INPP4B: variants seen among roughly 807,000 people sequenced by gnomAD.
INPP4B encodes inositol polyphosphate 4-phosphatase type II.
INPP4B carries 55 observed loss-of-function variants against 122.5 expected under a neutral mutation model. The ratio of observed to expected loss-of-function variants is 0.45; its 90% CI spans 0.36 to 0.56. INPP4B has a LOEUF of 0.56. INPP4B is among the 20% of genes least tolerant of loss of function. The pLI is 0.00. For synonymous variants in INPP4B, 403 were observed against 388.7 expected, an observed-to-expected ratio of 1.04 and a Z score of -0.43; for missense variants, 1,000 against 1,097.7, an observed-to-expected ratio of 0.91 and a Z score of 1.26.
At chr4:142,412,291 T>C (rs1804766130) in intron 5 of INPP4B, among the ~76,000 whole-genome samples, 1 of 152,186 alleles carries the variant, frequency 6.6e-6, no homozygotes, top group African/African-American at 2.4e-5. Flanking sequence ...CCCCTCTAAT[T>C]ACTTTATTAG....
At chr4:142,137,979 G>A (rs903436487) in intron 18 of INPP4B, among the ~76,000 whole-genome samples, 33 of 152,102 alleles carry the variant, frequency 2.2e-4, no homozygotes, top group Non-Finnish European at 4.0e-4. Context: ...TCAGAGTGGC[G>A]ATTCCTCAGG....
At chr4:142,722,099 TTA>T (rs939433551) in intron 2 of INPP4B, among the ~76,000 whole-genome samples, 10 of 151,888 alleles carry the variant, frequency 6.6e-5, no homozygotes, top group Middle Eastern at 3.4e-3. Flanking sequence ...TGATATCAAA[TTA>T]TATATATATA....
chr4:142,818,888 A>G (rs1195695347), intron 1 of INPP4B, among the ~76,000 whole-genome samples: 1 of 152,144 alleles, frequency 6.6e-6, no homozygotes, highest in Non-Finnish European at 1.5e-5. Flanking sequence ...TCTTCCACTG[A>G]TATCATATTG....
At chr4:142,333,874 C>T (rs1775605702) in intron 7 of INPP4B, among the ~76,000 whole-genome samples, 1 of 152,004 alleles carries the variant, frequency 6.6e-6, no homozygotes, top group Admixed American at 6.5e-5. Context: ...TTTGTGTGTG[C>T]GATGAGAGCA....
intron 1 of INPP4B, among the ~76,000 whole-genome samples, chr4:142,774,118 T>C (rs568133006): frequency 6.6e-6 from 1 of 152,210 alleles, no homozygotes; most frequent in East Asian, 1.9e-4. Flanking sequence ...TTCCAAACAG[T>C]GCTCAACAAT....
intron 1 of INPP4B, among the ~76,000 whole-genome samples, chr4:142,784,208 C>G (rs1282004741): frequency 2.0e-5 from 3 of 151,556 alleles, no homozygotes; most frequent in Non-Finnish European, 4.4e-5. Context: ...ACTAACAGTT[C>G]AAAAATTAGC....
At chr4:142,752,314 A>G (rs1014360180) in intron 1 of INPP4B, among the ~76,000 whole-genome samples, 4 of 152,136 alleles carry the variant, frequency 2.6e-5, no homozygotes. Context: ...ATTCTGATCC[A>G]GGAGGAAGCT....
chr4:142,154,706 T>C (rs1179141967), intron 17 of INPP4B, among the ~76,000 whole-genome samples: 1 of 152,162 alleles, frequency 6.6e-6, no homozygotes, highest in Non-Finnish European at 1.5e-5. Context: ...TGCAGAATTA[T>C]ATTAAGTTGA....
chr4:142,255,469 G>C (rs1012203610), intron 11 of INPP4B, among the ~76,000 whole-genome samples: 8 of 152,054 alleles, frequency 5.3e-5, no homozygotes, highest in African/African-American at 1.7e-4. Context: ...CATCTCACAT[G>C]CAGACACACA....
chr4:142,298,945 C>G (rs964726463), intron 9 of INPP4B, among the ~76,000 whole-genome samples: 1 of 151,894 alleles, frequency 6.6e-6, no homozygotes, highest in Non-Finnish European at 1.5e-5. Flanking sequence ...AAATTCTTAA[C>G]CCATCATAAA....
At chr4:142,277,968 G>A (rs972510879) in intron 9 of INPP4B, among the ~76,000 whole-genome samples, 2 of 151,702 alleles carry the variant, frequency 1.3e-5, no homozygotes, top group Non-Finnish European at 2.9e-5. Context: ...TGCACTGCTC[G>A]GATGATGGGT....
intron 9 of INPP4B, among the ~76,000 whole-genome samples, chr4:142,283,956 G>A (rs1427209263): frequency 1.3e-5 from 2 of 152,106 alleles, no homozygotes; most frequent in Admixed American, 1.3e-4. Context: ...AATGAAGTCT[G>A]GTGTCCCAGA....
intron 2 of INPP4B, among the ~76,000 whole-genome samples, chr4:142,481,484 T>A (rs1284537533): frequency 1.3e-5 from 2 of 152,086 alleles, no homozygotes; most frequent in Non-Finnish European, 2.9e-5. Flanking sequence ...GGAAGGAACA[T>A]TTAGAAGTTT....
intron 22 of INPP4B, among the ~76,000 whole-genome samples, chr4:142,110,350 A>G (rs1434996765): frequency 6.6e-6 from 1 of 152,162 alleles, no homozygotes; most frequent in Non-Finnish European, 1.5e-5. Context: ...ACTATGAGAA[A>G]CAAATTTCTG....
intron 1 of INPP4B, among the ~76,000 whole-genome samples, chr4:142,806,278 C>CAAAAAAAAAAAA (rs1175185594): frequency 5.6e-5 from 3 of 53,596 alleles, no homozygotes; most frequent in Admixed American, 2.9e-4. Context: ...GACTCCGTCT[C>CAAAAAAAAAAAA]AAAAAAAAAA....
chr4:142,780,214 T>C (rs768654213), intron 1 of INPP4B, among the ~76,000 whole-genome samples: 6 of 152,190 alleles, frequency 3.9e-5, no homozygotes, highest in Non-Finnish European at 5.9e-5. Context: ...TCCATAAAGC[T>C]AAGTATCTGT....
intron 23 of INPP4B, among the ~76,000 whole-genome samples, chr4:142,095,507 ATATT>A (rs1781436255): frequency 1.3e-5 from 2 of 152,168 alleles, no homozygotes; most frequent in South Asian, 4.2e-4. Flanking sequence ...TTAAATTCAG[ATATT>A]TATTTCCAAA....
chr4:142,416,888 A>G (rs1309507764), intron 5 of INPP4B, among the ~76,000 whole-genome samples: 2 of 152,208 alleles, frequency 1.3e-5, no homozygotes, highest in Non-Finnish European at 2.9e-5. Flanking sequence ...TAAAGCTAGA[A>G]ATGACTAGTG....
intron 9 of INPP4B, among the ~76,000 whole-genome samples, chr4:142,283,381 AG>A (rs1402175555): frequency 6.6e-6 from 1 of 152,136 alleles, no homozygotes; most frequent in Non-Finnish European, 1.5e-5. Context: ...GTTGGATATT[AG>A]AGTCAGGAGT....
Sources: gnomAD v4.1 joint callset for allele counts (sites outside exome capture counted in the v4.1 genomes callset) on GRCh38, gnomAD v4.1.1 for gene constraint, MANE v1.5 for transcripts, NCBI Gene and HGNC (gene_info 2026-07-23, HGNC 2026-07-21) for gene names.